The following EDN1 variants were observed in gnomAD, a reference collection of about 807,000 sequenced individuals.
The protein encoded by EDN1 is endothelin 1.
In EDN1, 11 loss-of-function variants were observed where a neutral mutation model predicts 21.7. The observed-to-expected ratio is 0.51, with a 90% CI of 0.32 to 0.84. EDN1 has a LOEUF of 0.84. Ranked by LOEUF, EDN1 falls within the 40% of genes least tolerant of loss-of-function variation. The probability of loss-of-function intolerance (pLI) is 0.03; values close to 1 mark genes in which losing one functional copy is unlikely to be tolerated. For missense variants in EDN1, 244 were observed against 262.3 expected (o/e 0.93, Z 0.48); for synonymous variants, 85 against 90.6 (o/e 0.94, Z 0.35).
At chr6:12,238,702 G>T in the EDN1 span, among the ~76,000 whole-genome samples, 1 of 152,176 alleles carries the variant, frequency 6.6e-6, no homozygotes, top group Non-Finnish European at 1.5e-5. Context: ...CAATTTGTAA[G>T]CTGATGCAAG....
the EDN1 span, among the ~76,000 whole-genome samples, chr6:12,267,733 A>G: frequency 6.6e-6 from 1 of 152,220 alleles, no homozygotes; most frequent in Admixed American, 6.5e-5. Flanking sequence ...TAAACAACAG[A>G]TCTTCACTGT....
At chr6:12,244,192 C>T in the EDN1 span, among the ~76,000 whole-genome samples, 2 of 152,096 alleles carry the variant, frequency 1.3e-5, no homozygotes, top group African/African-American at 2.4e-5. Flanking sequence ...AAACTCAATA[C>T]AAATTAAATA....
At chr6:12,259,801 G>A in the EDN1 span, among the ~76,000 whole-genome samples, 1 of 151,940 alleles carries the variant, frequency 6.6e-6, no homozygotes, top group South Asian at 2.1e-4. Flanking sequence ...GTTCTTTAGG[G>A]AGAAACAATC....
At chr6:12,283,658 T>G in the EDN1 span, among the ~76,000 whole-genome samples, 1 of 152,190 alleles carries the variant, frequency 6.6e-6, no homozygotes, top group Non-Finnish European at 1.5e-5. Context: ...CCTTAGGACT[T>G]GAGAATCATA....
upstream of EDN1, chr6:12,290,348 A>ACTCT (rs1404266510): frequency 2.0e-6 from 1 of 493,772 alleles, no homozygotes; most frequent in Middle Eastern, 5.8e-4. Flanking sequence ...GCCGGCAGAG[A>ACTCT]GCTGTCCAAG....
upstream of EDN1, among the ~76,000 whole-genome samples, chr6:12,290,063 G>A (rs1004952518): frequency 8.6e-5 from 13 of 151,996 alleles, no homozygotes; most frequent in Non-Finnish European, 1.5e-4. Flanking sequence ...CTTGAACTCC[G>A]GGGCTGGCAG....
the EDN1 span, among the ~76,000 whole-genome samples, chr6:12,269,957 A>G: frequency 6.6e-6 from 1 of 151,932 alleles, no homozygotes; most frequent in African/African-American, 2.4e-5. Flanking sequence ...TTGATGGGAG[A>G]TGTTTTATTA....
the EDN1 span, among the ~76,000 whole-genome samples, chr6:12,276,241 A>G: frequency 6.6e-6 from 1 of 150,984 alleles, no homozygotes; most frequent in South Asian, 2.1e-4. Context: ...TGGTAGTTTC[A>G]GGGAAATTTC....
chr6:12,239,097 G>A, the EDN1 span, among the ~76,000 whole-genome samples: 4 of 152,290 alleles, frequency 2.6e-5, no homozygotes, highest in East Asian at 5.8e-4. Context: ...CTCATTACAA[G>A]TTGACTGAAG....
At chr6:12,273,210 A>T in the EDN1 span, among the ~76,000 whole-genome samples, 50 of 152,326 alleles carry the variant, frequency 3.3e-4, no homozygotes, top group African/African-American at 6.5e-4. Context: ...AAGTCCTGAT[A>T]GAGAGTGGGG....
At chr6:12,237,162 C>T in the EDN1 span, among the ~76,000 whole-genome samples, 1 of 152,040 alleles carries the variant, frequency 6.6e-6, no homozygotes, top group East Asian at 1.9e-4. Flanking sequence ...ATGAACTCAT[C>T]CTTTTTATGG....
upstream of EDN1, among the ~76,000 whole-genome samples, chr6:12,288,180 G>C (rs532219950): frequency 6.6e-4 from 100 of 152,116 alleles, no homozygotes; most frequent in Middle Eastern, 3.4e-3. Context: ...TCCGGGTAGG[G>C]GCCTTGAGAA....
At chr6:12,284,732 GAAGGAAGGAAGGAAGGAAGA>G in the EDN1 span, among the ~76,000 whole-genome samples, 13 of 116,004 alleles carry the variant, frequency 1.1e-4, no homozygotes, top group African/African-American at 4.0e-4. Flanking sequence ...AGGAAGGAAG[GAAGGAAGGAAGGAAGGAAGA>G]AAGAAAGAAA....
chr6:12,249,467 G>T, the EDN1 span, among the ~76,000 whole-genome samples: 1 of 150,888 alleles, frequency 6.6e-6, no homozygotes, highest in African/African-American at 2.4e-5. Flanking sequence ...GAGATGTAAG[G>T]CAAATGTCTT....
the EDN1 span, among the ~76,000 whole-genome samples, chr6:12,231,576 A>G: frequency 6.6e-6 from 1 of 152,230 alleles, no homozygotes; most frequent in East Asian, 1.9e-4. Context: ...CAAAATGGAA[A>G]TATTTCAGTA....
At chr6:12,253,419 A>G in the EDN1 span, among the ~76,000 whole-genome samples, 1 of 152,250 alleles carries the variant, frequency 6.6e-6, no homozygotes, top group Non-Finnish European at 1.5e-5. Context: ...CAGGAGAATC[A>G]GAAAATAAAC....
chr6:12,289,865 G>A (rs1377500586), upstream of EDN1, among the ~76,000 whole-genome samples: 1 of 152,172 alleles, frequency 6.6e-6, no homozygotes, highest in African/African-American at 2.4e-5. Flanking sequence ...CCCCAGTAGT[G>A]GGGCAGTGAC....
chr6:12,267,075 A>G, the EDN1 span, among the ~76,000 whole-genome samples: 1 of 152,152 alleles, frequency 6.6e-6, no homozygotes, highest in African/African-American at 2.4e-5. Flanking sequence ...GGTATACCTC[A>G]TTTTATTGTG....
At chr6:12,275,510 C>A in the EDN1 span, among the ~76,000 whole-genome samples, 2 of 151,994 alleles carry the variant, frequency 1.3e-5, no homozygotes, top group Non-Finnish European at 2.9e-5. Flanking sequence ...TTTCCCCAAC[C>A]TTTGGACTTG....
Sources: allele counts gnomAD v4.1 joint callset (sites outside exome capture counted in the v4.1 genomes callset), GRCh38; gene constraint gnomAD v4.1.1; transcripts MANE v1.5; gene names NCBI Gene and HGNC (gene_info 2026-07-23, HGNC 2026-07-21).